The following AGBL4 variants were observed in gnomAD, a reference collection of about 807,000 sequenced individuals.
AGBL4 encodes AGBL carboxypeptidase 4, also known as cytosolic carboxypeptidase 6.
A neutral mutation model predicts 66.4 loss-of-function variants in AGBL4; 58 were observed. That is an observed-to-expected ratio of 0.87 (90% CI 0.71 to 1.09). The LOEUF is 1.09. Among genes scored for constraint, AGBL4 ranks in the 50% least tolerant of loss-of-function variants. The probability of loss-of-function intolerance (pLI) is 0.00; values close to 1 mark genes in which losing one functional copy is unlikely to be tolerated. For synonymous variants in AGBL4, 234 were observed against 222.9 expected, an observed-to-expected ratio of 1.05 and a Z score of -0.44; for missense variants, 579 against 631.0, an observed-to-expected ratio of 0.92 and a Z score of 0.88.
intron 11 of AGBL4, among the ~76,000 whole-genome samples, chr1:48,541,417 T>A (rs1357851214): frequency 6.6e-6 from 1 of 152,264 alleles, no homozygotes; most frequent in East Asian, 1.9e-4. Flanking sequence ...GTCTTATTCA[T>A]CACCTAAATA....
chr1:50,002,224 C>T (rs898551504), intron 1 of AGBL4, among the ~76,000 whole-genome samples: 3 of 152,120 alleles, frequency 2.0e-5, no homozygotes, highest in African/African-American at 7.2e-5. Flanking sequence ...GTAGGTGAGT[C>T]AAATACACCA....
chr1:49,171,277 A>C (rs1646733344), intron 4 of AGBL4, among the ~76,000 whole-genome samples: 1 of 152,150 alleles, frequency 6.6e-6, no homozygotes, highest in Non-Finnish European at 1.5e-5. Flanking sequence ...CATCATTCAA[A>C]ATCATTATTC....
intron 5 of AGBL4, among the ~76,000 whole-genome samples, chr1:48,909,843 G>A (rs1020752455): frequency 2.6e-5 from 4 of 152,144 alleles, no homozygotes; most frequent in African/African-American, 4.8e-5. Flanking sequence ...TCCAGTGAAT[G>A]CCTTGAAATA....
At chr1:49,254,665 T>A (rs1023461607) in intron 3 of AGBL4, among the ~76,000 whole-genome samples, 6 of 151,952 alleles carry the variant, frequency 3.9e-5, no homozygotes, top group Admixed American at 6.6e-5. Flanking sequence ...AGAAAAAAAA[T>A]TTTAAAATTC....
chr1:49,899,901 C>T (rs1413318767), intron 1 of AGBL4, among the ~76,000 whole-genome samples: 1 of 151,916 alleles, frequency 6.6e-6, no homozygotes, highest in Non-Finnish European at 1.5e-5. Flanking sequence ...ATTAGCTAAG[C>T]ATTAGTGGCA....
chr1:49,437,899 A>G (rs546898099), intron 3 of AGBL4, among the ~76,000 whole-genome samples: 2 of 152,282 alleles, frequency 1.3e-5, no homozygotes, highest in South Asian at 2.1e-4. Flanking sequence ...CTTAAACAGT[A>G]TATCTTATAT....
intron 5 of AGBL4, among the ~76,000 whole-genome samples, chr1:48,948,257 C>T (rs940008359): frequency 6.6e-6 from 1 of 152,332 alleles, no homozygotes; most frequent in South Asian, 2.1e-4. Flanking sequence ...GCTCTTTGCA[C>T]GTGTGCCTTG....
chr1:48,762,217 G>A (rs568938508), intron 6 of AGBL4, among the ~76,000 whole-genome samples: 1 of 152,204 alleles, frequency 6.6e-6, no homozygotes, highest in South Asian at 2.1e-4. Flanking sequence ...GCTTACGTGT[G>A]CTCACGACAC....
intron 3 of AGBL4, among the ~76,000 whole-genome samples, chr1:49,621,835 C>A (rs1005420118): frequency 1.3e-5 from 2 of 152,178 alleles, no homozygotes; most frequent in Non-Finnish European, 2.9e-5. Context: ...TTTGACTGCA[C>A]AGAATTCCTT....
At chr1:48,735,919 C>T (rs1648966815) in intron 6 of AGBL4, among the ~76,000 whole-genome samples, 1 of 152,120 alleles carries the variant, frequency 6.6e-6, no homozygotes, top group South Asian at 2.1e-4. Flanking sequence ...GTTCAGTGAC[C>T]CCCGTCCCCA....
At chr1:49,404,534 G>C (rs1645155501) in intron 3 of AGBL4, among the ~76,000 whole-genome samples, 1 of 152,162 alleles carries the variant, frequency 6.6e-6, no homozygotes. Context: ...TTTATAATAA[G>C]GTGCTGTGAT....
At chr1:49,888,673 T>C (rs539932575) in intron 1 of AGBL4, among the ~76,000 whole-genome samples, 102 of 152,186 alleles carry the variant, frequency 6.7e-4, no homozygotes, top group Non-Finnish European at 9.8e-4. Context: ...AATGGGTAGA[T>C]TTCAGCTCAA....
At chr1:48,547,335 C>T (rs973717715) in intron 11 of AGBL4, among the ~76,000 whole-genome samples, 1 of 151,964 alleles carries the variant, frequency 6.6e-6, no homozygotes, top group Non-Finnish European at 1.5e-5. Flanking sequence ...TGTACAGAGG[C>T]AGTAGAGATG....
At chr1:49,937,450 G>A (rs1333750216) in intron 1 of AGBL4, among the ~76,000 whole-genome samples, 1 of 151,906 alleles carries the variant, frequency 6.6e-6, no homozygotes. Context: ...AAGTTAACAA[G>A]GATACCCAGG....
At chr1:49,852,370 T>G (rs1646324863) in intron 1 of AGBL4, among the ~76,000 whole-genome samples, 1 of 151,980 alleles carries the variant, frequency 6.6e-6, no homozygotes, top group Admixed American at 6.6e-5. Context: ...AAACATCAAA[T>G]AAGGAAATAT....
At chr1:49,589,247 C>T (rs1209229014) in intron 3 of AGBL4, among the ~76,000 whole-genome samples, 3 of 151,990 alleles carry the variant, frequency 2.0e-5, no homozygotes, top group Non-Finnish European at 4.4e-5. Flanking sequence ...TTTTATTTTT[C>T]TCAATCCCTA....
At chr1:49,756,281 G>A (rs1651879659) in intron 2 of AGBL4, among the ~76,000 whole-genome samples, 3 of 150,768 alleles carry the variant, frequency 2.0e-5, no homozygotes. Flanking sequence ...GCATCTCTGT[G>A]AACCAAAAGT....
chr1:48,813,193 C>G (rs1418263117), intron 6 of AGBL4, among the ~76,000 whole-genome samples: 4 of 152,074 alleles, frequency 2.6e-5, no homozygotes, highest in Non-Finnish European at 5.9e-5. Flanking sequence ...GCACCTAACC[C>G]AGATTGGAGG....
intron 5 of AGBL4, among the ~76,000 whole-genome samples, chr1:48,952,826 C>T (rs1263682480): frequency 3.3e-5 from 5 of 152,110 alleles, no homozygotes; most frequent in Non-Finnish European, 5.9e-5. Context: ...AACACAAGTT[C>T]ATCAACTTTC....
Sources: allele counts gnomAD v4.1 joint callset (sites outside exome capture counted in the v4.1 genomes callset), GRCh38; gene constraint gnomAD v4.1.1; transcripts MANE v1.5; gene names NCBI Gene and HGNC (gene_info 2026-07-23, HGNC 2026-07-21).